ACACA: variants seen among roughly 807,000 people sequenced by gnomAD.
The protein encoded by ACACA is acetyl-CoA carboxylase alpha, also known as acetyl-CoA carboxylase 1.
A neutral mutation model predicts 296.1 loss-of-function variants in ACACA; 103 were observed. The observed-to-expected ratio is 0.35, with a 90% CI of 0.30 to 0.41. ACACA has a LOEUF of 0.41. Among genes scored for constraint, ACACA ranks in the 10% least tolerant of loss-of-function variants. ACACA has a pLI of 1.00. For missense variants in ACACA, 1,554 were observed against 2,989.7 expected (o/e 0.52, Z 11.20); for synonymous variants, 953 against 1,038.6 (o/e 0.92, Z 1.58).
chr17:37,231,759 G>C (rs1397510843), intron 25 of ACACA, among the ~76,000 whole-genome samples: 1 of 152,206 alleles, frequency 6.6e-6, no homozygotes, highest in Non-Finnish European at 1.5e-5. Context: ...TATGTACATT[G>C]CCATCTAGAC....
At chr17:37,267,599 CACCCAGGCTGGA>C (rs1162363099) in intron 10 of ACACA, among the ~76,000 whole-genome samples, 1 of 151,774 alleles carries the variant, frequency 6.6e-6, no homozygotes, top group Non-Finnish European at 1.5e-5. Context: ...TTTGTTTTGT[CACCCAGGCTGGA>C]ATGCAGTGGC....
chr17:37,288,124 A>G (rs957815121), intron 3 of ACACA, among the ~76,000 whole-genome samples: 6 of 152,358 alleles, frequency 3.9e-5, no homozygotes, highest in African/African-American at 7.2e-5. Flanking sequence ...ACTATGCAAC[A>G]TATCTAATGA....
chr17:37,368,511 G>A (rs1404899506), intron 1 of ACACA, among the ~76,000 whole-genome samples: 2 of 151,992 alleles, frequency 1.3e-5, no homozygotes, highest in Non-Finnish European at 2.9e-5. Flanking sequence ...ATCCCAGGTG[G>A]TGGTGGTTGC....
At position 37,188,487 on chromosome 17, in the gene ACACA, C is replaced by A. The variant is rs2077621145; in HGVS notation, c.4573-7G>T. 6.2e-7 allele frequency: 1 copy of A among 1,612,456 alleles called. No individual in the cohort carries two copies. The highest frequency in any genetic ancestry group is 8.5e-7 in the Non-Finnish European group (1 of 1,179,960). ...TCCGCACGGATTCCTCAATCTGACA[C>A]AGACACATCACCAAGCACAAAACTT... On this transcript the variant is annotated splice_region_variant and splice_polypyrimidine_tract_variant and intron_variant, in intron 38 of 55. Transcript: ENST00000616317.
Position 37,304,754 on chromosome 17 carries a change from A to G in ACACA, c.339-19784T>C, listed in dbSNP as rs371356001. ...GCGGTGACCAAGATCGTGCCATTGCACTCCAGCCTGGGCAACAAGAGCGAA... is the reference window on the plus strand; with the variant it reads ...GCGGTGACCAAGATCGTGCCATTGCGCTCCAGCCTGGGCAACAAGAGCGAA... On this transcript the variant is annotated intron_variant, in intron 3 of 55. Coordinates refer to ENST00000616317, the MANE Select transcript of ACACA (RefSeq NM_198834.3). 7.3e-5 allele frequency among the ~76,000 whole-genome samples: 11 copies of G among 150,880 alleles called. No homozygotes were observed. The South Asian group carries it at 2.3e-3, about 32-fold the overall frequency.
At chr17:37,234,505 G>T (rs2080016208) in intron 25 of ACACA, among the ~76,000 whole-genome samples, 1 of 151,918 alleles carries the variant, frequency 6.6e-6, no homozygotes, top group African/African-American at 2.4e-5. Context: ...AATAAAAAGG[G>T]ACCAATGAAG....
rs766917921 is a variant in ACACA at position 37,362,696 on chromosome 17, C to T, written c.39-22846G>A. On this transcript the variant is annotated intron_variant, in intron 1 of 55. Coordinates refer to ENST00000616317, the MANE Select transcript of ACACA (RefSeq NM_198834.3). ...GAAACAAACACTAGGGTGCGCCAGG[C>T]GCGGTGGCTCACGCCTGTAATCCCA... 2.6e-5 allele frequency among the ~76,000 whole-genome samples: 4 copies of T among 152,136 alleles called. No homozygotes were observed. In the South Asian group the frequency reaches 6.2e-4, roughly 24 times the overall value.
intron 3 of ACACA, among the ~76,000 whole-genome samples, chr17:37,320,419 G>C (rs1344279476): frequency 6.6e-6 from 1 of 151,366 alleles, no homozygotes; most frequent in Non-Finnish European, 1.5e-5. Context: ...CCTGAGGCAG[G>C]AAAATAGCTT....
chr17:37,145,244 T>C (rs558140575), intron 45 of ACACA, among the ~76,000 whole-genome samples: 9 of 152,244 alleles, frequency 5.9e-5, no homozygotes, highest in Non-Finnish European at 1.3e-4. Context: ...TAAGAGTTTA[T>C]GACTCTGCAA....
intron 3 of ACACA, among the ~76,000 whole-genome samples, chr17:37,325,935 T>C (rs919199771): frequency 2.0e-5 from 3 of 151,052 alleles, no homozygotes; most frequent in Non-Finnish European, 4.4e-5. Context: ...CAGCTGGGCA[T>C]GGTGGCTCAC....
At chr17:37,352,566 A>C (rs1373015316) in intron 1 of ACACA, among the ~76,000 whole-genome samples, 1 of 151,958 alleles carries the variant, frequency 6.6e-6, no homozygotes, top group Admixed American at 6.6e-5. Context: ...TAAGAAAAAA[A>C]AAAATAGCCA....
intron 5 of ACACA, among the ~76,000 whole-genome samples, chr17:37,282,748 CA>C (rs1269673924): frequency 2.0e-5 from 3 of 151,952 alleles, no homozygotes; most frequent in Non-Finnish European, 2.9e-5. Flanking sequence ...TCAGCTATAC[CA>C]ACAGTCTTTA....
At chr17:37,383,110 A>T (rs2050376771) in intron 1 of ACACA, among the ~76,000 whole-genome samples, 1 of 152,154 alleles carries the variant, frequency 6.6e-6, no homozygotes, top group African/African-American at 2.4e-5. Flanking sequence ...ATTAAATCCA[A>T]TTGTTTCCCT....
chr17:37,379,084 C>A, intron 1 of ACACA: 1 of 1,555,076 alleles, frequency 6.4e-7, no homozygotes, highest in Non-Finnish European at 8.7e-7. Flanking sequence ...AAAAACCAAC[C>A]AAACAAAAAA....
At chr17:37,301,898 G>A (rs572657903) in intron 3 of ACACA, among the ~76,000 whole-genome samples, 126 of 152,280 alleles carry the variant, frequency 8.3e-4, no homozygotes, top group African/African-American at 2.9e-3. Flanking sequence ...TCAATTTAAG[G>A]AGAACTGCTG....
intron 1 of ACACA, among the ~76,000 whole-genome samples, chr17:37,396,168 T>C (rs1198178673): frequency 1.3e-5 from 2 of 151,906 alleles, no homozygotes; most frequent in Non-Finnish European, 2.9e-5. Flanking sequence ...GGTGAAACCC[T>C]GTCTCTACTA....
At chr17:37,260,297 T>TATATATATATATA (rs1491211370) in intron 11 of ACACA, among the ~76,000 whole-genome samples, 1 of 7,730 alleles carries the variant, frequency 1.3e-4, no homozygotes. Flanking sequence ...TATATATATA[T>TATATATATATATA]TTTTTTTTTT....
intron 36 of ACACA, 56 bp from the exon 37 acceptor site, chr17:37,192,361 C>G: frequency 2.0e-6 from 3 of 1,485,670 alleles, no homozygotes; most frequent in Non-Finnish European, 2.8e-6. Flanking sequence ...CAAAATTATA[C>G]TATGAATGTG....
intron 29 of ACACA, among the ~76,000 whole-genome samples, chr17:37,215,972 G>C (rs1355899448): frequency 6.6e-6 from 1 of 151,542 alleles, no homozygotes; most frequent in Non-Finnish European, 1.5e-5. Context: ...TAGACTAGTT[G>C]CCCTGAATAT....
Sources: gnomAD v4.1 joint callset for allele counts (sites outside exome capture counted in the v4.1 genomes callset) on GRCh38, gnomAD v4.1.1 for gene constraint, MANE v1.5 for transcripts, NCBI Gene and HGNC (gene_info 2026-07-23, HGNC 2026-07-21) for gene names.